Variants in SNX29 observed in about 807,000 individuals in gnomAD.
The protein encoded by SNX29 is sorting nexin-29.
SNX29 carries 78 observed loss-of-function variants against 102.1 expected under a neutral mutation model. The observed-to-expected ratio is 0.76, with a 90% CI of 0.64 to 0.92. SNX29 has a LOEUF of 0.92. Among genes scored for constraint, SNX29 ranks in the 40% least tolerant of loss-of-function variants. The probability of loss-of-function intolerance (pLI) is 0.00; values close to 1 mark genes in which losing one functional copy is unlikely to be tolerated. For synonymous variants in SNX29, 580 were observed against 414.5 expected (o/e 1.40, Z -4.85); for missense variants, 1,280 against 1,061.7 (o/e 1.21, Z -2.86).
At chr16:12,533,880 A>T (rs536457795) in intron 20 of SNX29, among the ~76,000 whole-genome samples, 34 of 152,296 alleles carry the variant, frequency 2.2e-4, no homozygotes, top group African/African-American at 8.2e-4. Flanking sequence ...GAAGTCCTTG[A>T]CCTTTTCAAG....
intron 14 of SNX29, among the ~76,000 whole-genome samples, chr16:12,211,558 G>T (rs76518697): frequency 0.055 from 8,385 of 151,238 alleles, 317 homozygotes; most frequent in South Asian, 0.17. Flanking sequence ...ACCAATAGGG[G>T]TGTGTGTGTG....
At chr16:12,068,540 T>G (rs561677411) in intron 9 of SNX29, among the ~76,000 whole-genome samples, 32 of 146,196 alleles carry the variant, frequency 2.2e-4, no homozygotes, top group Admixed American at 1.5e-3. Context: ...AGGGGAAGTA[T>G]AGGGCTTTTA....
intron 19 of SNX29, among the ~76,000 whole-genome samples, chr16:12,489,900 G>C (rs1295897519): frequency 6.6e-6 from 1 of 151,984 alleles, no homozygotes; most frequent in African/African-American, 2.4e-5. Context: ...CTACCTCCTG[G>C]GTTCAAACAA....
chr16:12,352,628 C>T (rs1481412289), intron 15 of SNX29, among the ~76,000 whole-genome samples: 2 of 152,218 alleles, frequency 1.3e-5, no homozygotes, highest in East Asian at 1.9e-4. Context: ...ATAGTCTTTG[C>T]ACCTCGTTAA....
intron 13 of SNX29, among the ~76,000 whole-genome samples, chr16:12,187,200 A>T (rs1393127935): frequency 6.6e-6 from 1 of 152,174 alleles, no homozygotes. Context: ...GCCCCTGTGC[A>T]TGTCCCCTGG....
intron 13 of SNX29, among the ~76,000 whole-genome samples, chr16:12,133,546 C>T (rs939756450): frequency 1.3e-5 from 2 of 152,034 alleles, no homozygotes; most frequent in African/African-American, 4.8e-5. Flanking sequence ...CCACCTAGGC[C>T]TCCTGAAGTG....
intron 13 of SNX29, among the ~76,000 whole-genome samples, chr16:12,145,909 T>C (rs1261384480): frequency 6.6e-6 from 1 of 152,260 alleles, no homozygotes; most frequent in African/African-American, 2.4e-5. Context: ...TTCCGCCTTT[T>C]AAAAATCATT....
chr16:12,278,985 A>T (rs538882674), intron 15 of SNX29, among the ~76,000 whole-genome samples: 1 of 152,298 alleles, frequency 6.6e-6, no homozygotes, highest in South Asian at 2.1e-4. Flanking sequence ...CTTGGATATG[A>T]TAAAGAGGTT....
intron 16 of SNX29, among the ~76,000 whole-genome samples, chr16:12,387,135 TAAAAA>T (rs778794712): frequency 2.5e-3 from 329 of 131,000 alleles, no homozygotes; most frequent in African/African-American, 8.3e-3. Flanking sequence ...ATTAAAAAAA[TAAAAA>T]AAAAAGAGAG....
intron 18 of SNX29, among the ~76,000 whole-genome samples, chr16:12,476,290 G>A (rs1292657250): frequency 7.4e-6 from 1 of 134,656 alleles, no homozygotes; most frequent in African/African-American, 2.7e-5. Context: ...CTCCAGCCTG[G>A]GCAACAGAGT....
At chr16:12,060,925 G>T (rs893863095) in intron 8 of SNX29, 1 of 453,220 alleles carries the variant, frequency 2.2e-6, no homozygotes, top group Non-Finnish European at 4.4e-6. Flanking sequence ...GACGTGACTG[G>T]TCTGATTCTG....
At chr16:12,545,599 G>C (rs1464975870) in intron 20 of SNX29, 1 of 152,242 alleles carries the variant, frequency 6.6e-6, no homozygotes, top group African/African-American at 2.4e-5. Flanking sequence ...CTGGAATCCA[G>C]AGGTACAGAA....
In SNX29 at chr16:12,133,205, C is replaced by T. The variant is rs114649680; in HGVS notation, c.1595+3447C>T. On this transcript the variant is annotated intron_variant, in intron 13 of 20. Coordinates refer to ENST00000566228, the MANE Select transcript of SNX29 (RefSeq NM_032167.5). ...CTGCCTTGTACTGACGGGGTCAGAC[C>T]ATGGCTCTCCTGCTTACTAGTTGTG... Among the ~76,000 whole-genome samples, 1,114 of 151,768 alleles carry T rather than the reference C, an allele frequency of 7.3e-3. 18 individuals carry two copies. Among genetic ancestry groups the T allele is most frequent in the African/African-American group, 0.026 (1,068 of 41,332 alleles).
chr16:12,574,154 T>TCCTA lies in SNX29; in HGVS notation c.*5525_*5526insCCTA, dbSNP rs2079244506. The TCCTA allele has an allele frequency of 2.2e-5, 4 of 181,384 alleles. No homozygotes were observed. The highest frequency in any genetic ancestry group is 1.3e-4 in the Admixed American group (2 of 15,948). The allele number at this position is 181,384 out of a possible 1,614,324, so 11.2% of individuals were successfully genotyped here. On this transcript the variant is annotated 3_prime_UTR_variant, in exon 21 of 21. Coordinates refer to ENST00000566228, the MANE Select transcript of SNX29 (RefSeq NM_032167.5). The stretch of plus-strand genomic sequence containing the variant: ...ATAATAGGATTTTTAAACAAATGTG[T>TCCTA]TTAATTTTTTAAGATCTCTTGTATT...
rs1360772719 is a variant in SNX29, at chr16:12,571,890, A to C, written c.*3261A>C. On this transcript the variant is annotated 3_prime_UTR_variant, in exon 21 of 21. Coordinates refer to ENST00000566228, the MANE Select transcript of SNX29 (RefSeq NM_032167.5). Reference sequence around the variant, plus strand: ...ATTTTAGAGTTTGGAGCTGAGGTTCAAAGCCCCCTGCATTTCTCTACTGGC... The same window carrying C: ...ATTTTAGAGTTTGGAGCTGAGGTTCCAAGCCCCCTGCATTTCTCTACTGGC... 9.4e-7 allele frequency: 1 copy of C among 1,061,664 alleles called. No homozygotes were observed. Among genetic ancestry groups the C allele is most frequent in the Non-Finnish European group, 1.1e-6 (1 of 877,056 alleles). The allele number at this position is 1,061,664 out of a possible 1,614,324, so 65.8% of individuals were successfully genotyped here. A position where few individuals can be genotyped will look rare whatever the true frequency, so the allele number is the denominator to read the frequency against.
intron 8 of SNX29, among the ~76,000 whole-genome samples, chr16:12,057,910 T>C (rs2050586499): frequency 6.6e-6 from 1 of 151,758 alleles, no homozygotes; most frequent in South Asian, 2.1e-4. Context: ...CCCTGCCTCC[T>C]GTGTTCAAGC....
chr16:12,134,222 G>A (rs1328101415), intron 13 of SNX29, among the ~76,000 whole-genome samples: 1 of 152,182 alleles, frequency 6.6e-6, no homozygotes, highest in African/African-American at 2.4e-5. Flanking sequence ...TTATTGTGGG[G>A]GGTCATTTTC....
intron 18 of SNX29, among the ~76,000 whole-genome samples, chr16:12,435,243 T>G (rs1010549302): frequency 6.6e-6 from 1 of 152,332 alleles, no homozygotes; most frequent in African/African-American, 2.4e-5. Context: ...AAGCATCAGC[T>G]GATAGGACCC....
At chr16:12,486,970 A>T (rs1175750859) in intron 19 of SNX29, among the ~76,000 whole-genome samples, 1 of 152,230 alleles carries the variant, frequency 6.6e-6, no homozygotes, top group Non-Finnish European at 1.5e-5. Flanking sequence ...AAGAGGCTGT[A>T]ATAAGCACTG....
Sources: allele counts gnomAD v4.1 joint callset (sites outside exome capture counted in the v4.1 genomes callset), GRCh38; gene constraint gnomAD v4.1.1; transcripts MANE v1.5; gene names NCBI Gene and HGNC (gene_info 2026-07-23, HGNC 2026-07-21).